Variants in RXFP1 observed in about 807,000 individuals in gnomAD.
The protein encoded by RXFP1 is relaxin receptor 1.
Under a neutral mutation model 89.8 loss-of-function variants are expected in RXFP1, and 73 were observed. That is an observed-to-expected ratio of 0.81 (90% CI 0.67 to 0.99). RXFP1 has a LOEUF of 0.99. RXFP1 is among the 50% of genes least tolerant of loss of function. RXFP1 has a pLI of 0.00. For synonymous variants in RXFP1, 277 were observed against 305.5 expected (o/e 0.91, Z 0.97); for missense variants, 793 against 895.5 (o/e 0.89, Z 1.46).
intron 14 of RXFP1, among the ~76,000 whole-genome samples, chr4:158,640,665 C>T (rs894663072): frequency 6.6e-6 from 1 of 152,138 alleles, no homozygotes; most frequent in Admixed American, 6.6e-5. Context: ...CTGGGCCCCA[C>T]CTCCAACATT....
intron 9 of RXFP1, among the ~76,000 whole-genome samples, chr4:158,623,449 C>T (rs28612158): frequency 0.031 from 4,231 of 137,310 alleles, 186 homozygotes; most frequent in African/African-American, 0.11. Context: ...TTGCAGTGAG[C>T]CGAGATTGTG....
intron 4 of RXFP1, among the ~76,000 whole-genome samples, chr4:158,604,675 T>C (rs866556521): frequency 2.6e-5 from 4 of 152,220 alleles, no homozygotes; most frequent in African/African-American, 7.2e-5. Flanking sequence ...CAATGAAATA[T>C]TGAGAAATAC....
chr4:158,636,230 A>C (rs1269797925), intron 12 of RXFP1, among the ~76,000 whole-genome samples: 4 of 152,254 alleles, frequency 2.6e-5, no homozygotes, highest in Non-Finnish European at 4.4e-5. Flanking sequence ...ATCTCTAAAA[A>C]ATTAAAATAT....
chr4:158,617,791 A>G (rs1032384650), intron 9 of RXFP1, among the ~76,000 whole-genome samples: 4 of 152,166 alleles, frequency 2.6e-5, no homozygotes, highest in African/African-American at 7.2e-5. Flanking sequence ...AACAAGTTCA[A>G]TCAACAAACT....
At chr4:158,584,276 T>C (rs1054819968) in intron 2 of RXFP1, among the ~76,000 whole-genome samples, 3 of 151,852 alleles carry the variant, frequency 2.0e-5, no homozygotes, top group African/African-American at 7.3e-5. Context: ...CTACTAAAGA[T>C]ACAAAAAATT....
chr4:158,643,211 G>T (rs904994227), intron 14 of RXFP1, among the ~76,000 whole-genome samples: 3 of 152,134 alleles, frequency 2.0e-5, no homozygotes, highest in Non-Finnish European at 4.4e-5. Context: ...ACCTGTGCAA[G>T]CTTCTAGCTT....
intron 9 of RXFP1, among the ~76,000 whole-genome samples, chr4:158,618,477 G>A (rs752410910): frequency 8.6e-5 from 13 of 151,860 alleles, no homozygotes; most frequent in Non-Finnish European, 1.6e-4. Flanking sequence ...TGTTACTAAA[G>A]TTTTCATATG....
chr4:158,636,999 G>A (rs1323298936), intron 12 of RXFP1, among the ~76,000 whole-genome samples: 1 of 152,080 alleles, frequency 6.6e-6, no homozygotes, highest in Non-Finnish European at 1.5e-5. Flanking sequence ...TGTGGTAATT[G>A]TCTTTCTATG....
At chr4:158,611,010 A>G (rs1763479001) in intron 6 of RXFP1, among the ~76,000 whole-genome samples, 1 of 152,258 alleles carries the variant, frequency 6.6e-6, no homozygotes, top group Non-Finnish European at 1.5e-5. Context: ...TCTTACTTGC[A>G]TATGAATCAT....
chr4:158,608,946 G>A (rs773939664), intron 6 of RXFP1, among the ~76,000 whole-genome samples: 2 of 152,140 alleles, frequency 1.3e-5, no homozygotes, highest in Non-Finnish European at 2.9e-5. Flanking sequence ...TAATGTTCAC[G>A]TGTTGTAGCA....
chr4:158,579,714 T>C (rs1257955289), intron 2 of RXFP1, among the ~76,000 whole-genome samples: 1 of 152,212 alleles, frequency 6.6e-6, no homozygotes, highest in Non-Finnish European at 1.5e-5. Flanking sequence ...CTGGTCCAGA[T>C]TAAAGCAAGC....
intron 2 of RXFP1, among the ~76,000 whole-genome samples, chr4:158,586,874 G>A (rs889632938): frequency 1.3e-5 from 2 of 151,876 alleles, no homozygotes; most frequent in African/African-American, 2.4e-5. Flanking sequence ...TTTAAGCATG[G>A]CATTATCTAT....
intron 8 of RXFP1, among the ~76,000 whole-genome samples, chr4:158,615,857 CAG>C (rs1764463410): frequency 6.6e-6 from 1 of 151,954 alleles, no homozygotes; most frequent in Admixed American, 6.6e-5. Flanking sequence ...GGGGCTGAGA[CAG>C]GAGAATCACC....
At chr4:158,606,971 T>G (rs2150115641) in intron 5 of RXFP1, 1 of 1,050,106 alleles carries the variant, frequency 9.5e-7, no homozygotes, top group South Asian at 1.4e-5. Flanking sequence ...AATTTATAAT[T>G]TAACTGAATG....
intron 9 of RXFP1, among the ~76,000 whole-genome samples, chr4:158,626,477 A>G (rs1766855954): frequency 6.6e-6 from 1 of 152,132 alleles, no homozygotes; most frequent in African/African-American, 2.4e-5. Context: ...CAAATGTTTC[A>G]TATGGTTCAT....
Position 158,648,495 on chromosome 4 carries a change from A to G in RXFP1, c.1757-4A>G. On this transcript the variant is annotated splice_region_variant and splice_polypyrimidine_tract_variant and intron_variant, in intron 16 of 17. Coordinates refer to ENST00000307765, the MANE Select transcript of RXFP1 (RefSeq NM_021634.4). The stretch of plus-strand genomic sequence containing the variant: ...ATTAATAATACTGTTTGTATTCCAA[A>G]TAGGTATTAATTTGGCCGCATTTAT... 6.5e-7 allele frequency: 1 copy of G among 1,543,388 alleles called. No individual in the cohort carries two copies. The highest frequency in any genetic ancestry group is 8.9e-7 in the Non-Finnish European group (1 of 1,127,172).
At chr4:158,621,024 G>C (rs1765528210) in intron 9 of RXFP1, among the ~76,000 whole-genome samples, 1 of 152,076 alleles carries the variant, frequency 6.6e-6, no homozygotes, top group African/African-American at 2.4e-5. Context: ...TGTAATCCCA[G>C]CTACTCGGGA....
At chr4:158,560,102 G>A (rs562287078) in intron 1 of RXFP1, among the ~76,000 whole-genome samples, 19 of 152,328 alleles carry the variant, frequency 1.2e-4, no homozygotes, top group African/African-American at 4.3e-4. Flanking sequence ...GTAGCTGCAG[G>A]TAATGAAGCT....
At chr4:158,558,005 A>G (rs759804705) in intron 1 of RXFP1, among the ~76,000 whole-genome samples, 5 of 152,230 alleles carry the variant, frequency 3.3e-5, no homozygotes, top group Non-Finnish European at 5.9e-5. Context: ...TTGATCAGAA[A>G]GCCTTCAAAA....
Sources: gnomAD v4.1 joint callset for allele counts (sites outside exome capture counted in the v4.1 genomes callset) on GRCh38, gnomAD v4.1.1 for gene constraint, MANE v1.5 for transcripts, NCBI Gene and HGNC (gene_info 2026-07-23, HGNC 2026-07-21) for gene names.